FRMD5: variants seen among roughly 807,000 people sequenced by gnomAD.
FRMD5 encodes FERM domain-containing protein 5.
A neutral mutation model predicts 69.0 loss-of-function variants in FRMD5; 20 were observed. The observed-to-expected ratio is 0.29, with a 90% CI of 0.20 to 0.42. The LOEUF (loss-of-function observed/expected upper bound fraction) is 0.42, where lower values mean the gene tolerates loss of function less well. Ranked by LOEUF, FRMD5 falls within the 10% of genes least tolerant of loss-of-function variation. The pLI is 1.00. For synonymous variants in FRMD5, 271 were observed against 260.1 expected (o/e 1.04, Z -0.40); for missense variants, 595 against 708.6 (o/e 0.84, Z 1.82).
chr15:44,189,938 A>G (rs140080756), intron 1 of FRMD5, among the ~76,000 whole-genome samples: 2 of 152,278 alleles, frequency 1.3e-5, no homozygotes, highest in African/African-American at 4.8e-5. Context: ...GGGAATGGAG[A>G]TGCTTTAGTA....
intron 1 of FRMD5, among the ~76,000 whole-genome samples, chr15:43,967,971 T>C (rs1482018408): frequency 6.6e-6 from 1 of 151,660 alleles, no homozygotes; most frequent in African/African-American, 2.4e-5. Flanking sequence ...CCTGTGTCCA[T>C]GTGTTTTCAT....
chr15:44,155,907 T>C (rs1234970757), intron 1 of FRMD5, among the ~76,000 whole-genome samples: 1 of 151,848 alleles, frequency 6.6e-6, no homozygotes, highest in Admixed American at 6.6e-5. Context: ...TCCCCAAACA[T>C]ATTTTTTGAG....
At chr15:43,897,948 C>T (rs2088954449) in intron 7 of FRMD5, among the ~76,000 whole-genome samples, 1 of 144,706 alleles carries the variant, frequency 6.9e-6, no homozygotes, top group Admixed American at 6.6e-5. Context: ...CCATGTAAGA[C>T]ATGCCTGCTT....
In FRMD5 at chr15:43,874,168, C is replaced by T. The variant is rs2088251335; in HGVS notation, c.1430G>A (p.Gly477Glu). 6.2e-7 allele frequency: 1 copy of T among 1,614,214 alleles called. No individual in the cohort carries two copies. Among genetic ancestry groups the T allele is most frequent in the Non-Finnish European group, 8.5e-7 (1 of 1,180,032 alleles). ...PTATEVEALG[G>E]ELRALCQGHS... Reference sequence around the variant, plus strand: ...CCCCTGACACAGGGCCCTCAGCTCTCCCCCAAGGGCCTCCACCTCTGTAGC... The same window carrying T: ...CCCCTGACACAGGGCCCTCAGCTCTTCCCCAAGGGCCTCCACCTCTGTAGC... The change falls in exon 14 of 14, where the codon GGA (glycine) becomes GAA (glutamate). Residue 477 changes from glycine to glutamate, a missense_variant. Gly to Glu is a moderately conservative substitution (Grantham distance 98). This residue lies in a region of FRMD5 where 245 missense variants were observed against 227.1 expected (regional missense o/e 1.08). Coordinates refer to ENST00000417257, the MANE Select transcript of FRMD5 (RefSeq NM_032892.5).
At chr15:44,044,861 T>C (rs892450472) in intron 1 of FRMD5, among the ~76,000 whole-genome samples, 3 of 151,588 alleles carry the variant, frequency 2.0e-5, no homozygotes, top group Non-Finnish European at 2.9e-5. Flanking sequence ...TGTATACCTA[T>C]GTAACAAACC....
At chr15:44,197,133 A>G (rs1478573945), upstream of FRMD5, among the ~76,000 whole-genome samples, 6 of 151,772 alleles carry the variant, frequency 4.0e-5, no homozygotes, top group Admixed American at 3.9e-4. Flanking sequence ...CCCGGGAGGT[A>G]GAGATTGCAG....
intron 1 of FRMD5, among the ~76,000 whole-genome samples, chr15:44,039,827 T>C (rs957677107): frequency 9.2e-5 from 14 of 152,030 alleles, no homozygotes; most frequent in Non-Finnish European, 1.8e-4. Flanking sequence ...AGAATGAGTT[T>C]GACGAACTGA....
intron 1 of FRMD5, among the ~76,000 whole-genome samples, chr15:43,950,261 G>T (rs922233101): frequency 6.6e-6 from 1 of 152,150 alleles, no homozygotes; most frequent in African/African-American, 2.4e-5. Context: ...ATAGGTGAAC[G>T]AAGGAGTAGG....
intron 2 of FRMD5, among the ~76,000 whole-genome samples, chr15:43,923,689 C>T (rs934961272): frequency 2.0e-5 from 3 of 152,216 alleles, no homozygotes; most frequent in African/African-American, 7.2e-5. Context: ...TATCAGCACC[C>T]TTGGCTATCA....
intron 1 of FRMD5, among the ~76,000 whole-genome samples, chr15:44,188,370 T>C (rs1361874856): frequency 6.6e-6 from 1 of 152,214 alleles, no homozygotes; most frequent in East Asian, 1.9e-4. Flanking sequence ...AATGTGAGAT[T>C]CCTTCTTCAC....
chr15:43,893,579 A>AG (rs992389979), intron 7 of FRMD5, among the ~76,000 whole-genome samples: 1 of 152,176 alleles, frequency 6.6e-6, no homozygotes, highest in Non-Finnish European at 1.5e-5. Flanking sequence ...AAGTGTGTTG[A>AG]GGTGACCAGA....
chr15:43,947,051 A>G (rs536794236), intron 1 of FRMD5, among the ~76,000 whole-genome samples: 1 of 152,346 alleles, frequency 6.6e-6, no homozygotes, highest in East Asian at 1.9e-4. Context: ...GAACTGGTTC[A>G]AAAGAAAAAG....
intron 1 of FRMD5, among the ~76,000 whole-genome samples, chr15:44,012,111 C>A (rs955487256): frequency 6.6e-6 from 1 of 152,136 alleles, no homozygotes; most frequent in Admixed American, 6.5e-5. Context: ...AAGGATTCAG[C>A]AGATACTGAC....
At chr15:44,166,576 G>C (rs1355490198) in intron 1 of FRMD5, among the ~76,000 whole-genome samples, 1 of 151,968 alleles carries the variant, frequency 6.6e-6, no homozygotes, top group Non-Finnish European at 1.5e-5. Context: ...CTTGAGGTCA[G>C]GAGTTCAAGA....
At chr15:44,182,253 T>A (rs2078015928) in intron 1 of FRMD5, among the ~76,000 whole-genome samples, 1 of 151,718 alleles carries the variant, frequency 6.6e-6, no homozygotes, top group Non-Finnish European at 1.5e-5. Flanking sequence ...TCATGTGATC[T>A]GCCCACCTTG....
At chr15:43,992,921 C>A (rs1486892398) in intron 1 of FRMD5, among the ~76,000 whole-genome samples, 3 of 152,122 alleles carry the variant, frequency 2.0e-5, no homozygotes, top group Non-Finnish European at 4.4e-5. Context: ...CCCCTTAGCA[C>A]TGCTTTTGGT....
chr15:43,978,812 A>G (rs962165421), intron 1 of FRMD5, among the ~76,000 whole-genome samples: 2 of 152,096 alleles, frequency 1.3e-5, no homozygotes, highest in East Asian at 3.9e-4. Context: ...TCGGCTTCCC[A>G]AAGTGCTGGG....
intron 1 of FRMD5, among the ~76,000 whole-genome samples, chr15:44,120,401 G>A (rs867141476): frequency 2.3e-4 from 35 of 152,248 alleles, no homozygotes; most frequent in African/African-American, 7.5e-4. Context: ...AGATAGAACC[G>A]ACAAAACATG....
chr15:44,093,267 A>C (rs1188433151), intron 1 of FRMD5, among the ~76,000 whole-genome samples: 29 of 152,000 alleles, frequency 1.9e-4, no homozygotes. Context: ...ATTAGCACAG[A>C]AACTTGTATA....
Sources: gnomAD v4.1 joint callset for allele counts (sites outside exome capture counted in the v4.1 genomes callset) on GRCh38, gnomAD v4.1.1 for gene constraint, gnomAD v4.1.1 regional missense constraint, MANE v1.5 for transcripts, NCBI Gene and HGNC (gene_info 2026-07-23, HGNC 2026-07-21) for gene names.